Variants in PXDNL observed in about 807,000 individuals in gnomAD.
PXDNL encodes the protein probable oxidoreductase PXDNL.
In PXDNL, 145 loss-of-function variants were observed where a neutral mutation model predicts 150.8. The ratio of observed to expected loss-of-function variants is 0.96; its 90% CI spans 0.84 to 1.10. The LOEUF (loss-of-function observed/expected upper bound fraction) is 1.10. Among genes scored for constraint, PXDNL ranks in the 50% least tolerant of loss-of-function variants. PXDNL has a pLI of 0.00. For synonymous variants in PXDNL, 757 were observed against 725.7 expected (o/e 1.04, Z -0.69); for missense variants, 2,087 against 1,873.9 (o/e 1.11, Z -2.10).
intron 1 of PXDNL, among the ~76,000 whole-genome samples, chr8:51,756,787 T>G (rs1465095167): frequency 6.6e-6 from 1 of 152,054 alleles, no homozygotes; most frequent in African/African-American, 2.4e-5. Context: ...CTAGATAGTT[T>G]TAATTTGTTT....
chr8:51,730,549 T>C (rs1026623558), intron 1 of PXDNL, among the ~76,000 whole-genome samples: 18 of 152,204 alleles, frequency 1.2e-4, no homozygotes, highest in African/African-American at 4.3e-4. Context: ...ATGATTAAGA[T>C]GAAATCTCTG....
Position 51,480,999 on chromosome 8 carries a change from A to G in PXDNL, c.524+2644T>C, listed in dbSNP as rs193211973. Among the ~76,000 whole-genome samples the G allele has an allele frequency of 9.9e-4, 151 of 152,296 alleles. 1 individual carries two copies. Among genetic ancestry groups the G allele is most frequent in the African/African-American group, 3.3e-3 (138 of 41,552 alleles). ...GTGGGGCACTGCTGTAAAGATACCCAAAAATGTGGAAGGGACTTTGGAACT... is the reference window on the plus strand; with the variant it reads ...GTGGGGCACTGCTGTAAAGATACCCGAAAATGTGGAAGGGACTTTGGAACT... On this transcript the variant is annotated intron_variant, in intron 6 of 22. Coordinates refer to ENST00000356297, the MANE Select transcript of PXDNL (RefSeq NM_144651.5).
chr8:51,608,054 A>AAAGAAAGAAAGAAAGAAAGAAAGCAAGC (rs1554557536), intron 2 of PXDNL, among the ~76,000 whole-genome samples: 4 of 111,704 alleles, frequency 3.6e-5, no homozygotes, highest in Admixed American at 8.6e-5. Flanking sequence ...AGAAAGAAAG[A>AAAGAAAGAAAGAAAGAAAGAAAGCAAGC]AAGCAAGCAA....
intron 17 of PXDNL, among the ~76,000 whole-genome samples, chr8:51,403,642 C>T (rs1808337470): frequency 6.6e-6 from 1 of 152,174 alleles, no homozygotes; most frequent in African/African-American, 2.4e-5. Flanking sequence ...CTCAAATGTC[C>T]TTCTTGGCAC....
At chr8:51,803,112 T>C (rs141906312) in intron 1 of PXDNL, among the ~76,000 whole-genome samples, 2 of 152,274 alleles carry the variant, frequency 1.3e-5, no homozygotes, top group African/African-American at 4.8e-5. Context: ...GGTTAGAACA[T>C]GTGCTGCAGC....
At position 51,780,907 on chromosome 8, in the gene PXDNL, G is replaced by T. The variant is rs184493176; in HGVS notation, c.164+28274C>A. ...ACTCCTGACCTCAGGTGATCCACCT[G>T]CCTCGGCCTCCCAGGGTGCTGGGAT... On this transcript the variant is annotated intron_variant, in intron 1 of 22. Coordinates refer to ENST00000356297, the MANE Select transcript of PXDNL (RefSeq NM_144651.5). Among the ~76,000 whole-genome samples, 485 of 151,916 alleles carry T rather than the reference G, an allele frequency of 3.2e-3. 3 individuals carry two copies. Among genetic ancestry groups the T allele is most frequent in the Middle Eastern group, 0.01 (3 of 292 alleles).
intron 1 of PXDNL, among the ~76,000 whole-genome samples, chr8:51,740,136 A>T (rs1190871358): frequency 6.9e-6 from 1 of 144,974 alleles, no homozygotes; most frequent in East Asian, 1.9e-4. Flanking sequence ...ATCGATCCTG[A>T]TGTGTAATGC....
intron 3 of PXDNL, among the ~76,000 whole-genome samples, chr8:51,567,284 T>C (rs750438502): frequency 2.0e-5 from 3 of 151,782 alleles, no homozygotes; most frequent in Admixed American, 6.6e-5. Context: ...CAAATTTCAA[T>C]TAGACCCAGT....
intron 3 of PXDNL, among the ~76,000 whole-genome samples, chr8:51,591,697 C>A (rs970383342): frequency 3.3e-5 from 5 of 151,966 alleles, no homozygotes; most frequent in African/African-American, 1.2e-4. Context: ...CGGCTCACTG[C>A]AAGCTCCGCC....
chr8:51,619,602 T>A (rs566709501), intron 2 of PXDNL, among the ~76,000 whole-genome samples: 1 of 152,126 alleles, frequency 6.6e-6, no homozygotes, highest in South Asian at 2.1e-4. Flanking sequence ...TGTTTAAAAG[T>A]CTGTGGCACC....
rs755082507 is a variant in PXDNL at position 51,408,368 on chromosome 8, A to G, written c.3256T>C (p.Phe1086Leu). Residue 1086 changes from phenylalanine (F) to leucine (L), a missense_variant, in exon 17 of 23, where the codon TTT becomes CTT. By Grantham distance (22) the Phe-to-Leu change is conservative. Transcript: ENST00000356297. ...EGHLPFHKALFSPSRIIKEGG... is the reference protein window; with the variant it reads ...EGHLPFHKALLSPSRIIKEGG... ...TCCTTGATTATTCTGGACGGTGAAA[A>G]GAGCGCTTTATGGAACGGAAGGTGG... The G allele has an allele frequency of 1.9e-6, 3 of 1,613,924 alleles. No homozygotes were observed. The African/African-American group carries it at 4.0e-5, about 22-fold the overall frequency.
chr8:51,677,855 C>G (rs143619365), intron 1 of PXDNL, among the ~76,000 whole-genome samples: 1 of 152,164 alleles, frequency 6.6e-6, no homozygotes, highest in Non-Finnish European at 1.5e-5. Context: ...TTTAACTCCT[C>G]AAGTATTTGG....
At chr8:51,600,260 A>G (rs954553277) in intron 2 of PXDNL, among the ~76,000 whole-genome samples, 1 of 131,674 alleles carries the variant, frequency 7.6e-6, no homozygotes, top group Non-Finnish European at 1.6e-5. Flanking sequence ...TATCTCATAT[A>G]AATTATATCG....
chr8:51,619,372 C>T (rs35039242), intron 2 of PXDNL, among the ~76,000 whole-genome samples: 82,831 of 152,016 alleles, frequency 0.54, 24,195 homozygotes, highest in Non-Finnish European at 0.66. Context: ...GCCTCACACC[C>T]TGGAGAAAGG....
intron 10 of PXDNL, among the ~76,000 whole-genome samples, chr8:51,449,835 G>A (rs1380408329): frequency 6.6e-6 from 1 of 152,154 alleles, no homozygotes; most frequent in Admixed American, 6.5e-5. Context: ...CTGGAAAGGT[G>A]TCCCAATCCA....
chr8:51,639,204 G>A (rs1814682059), intron 2 of PXDNL, among the ~76,000 whole-genome samples: 2 of 152,180 alleles, frequency 1.3e-5, no homozygotes, highest in Admixed American at 6.5e-5. Context: ...TTAAAGCAGT[G>A]TGTAGAGGGA....
At chr8:51,331,733 C>A (rs548924104) in intron 21 of PXDNL, among the ~76,000 whole-genome samples, 4 of 152,154 alleles carry the variant, frequency 2.6e-5, no homozygotes, top group Admixed American at 2.6e-4. Context: ...CCTCGACAAC[C>A]TGCATGACTC....
intron 4 of PXDNL, among the ~76,000 whole-genome samples, chr8:51,523,783 G>A (rs1811709273): frequency 6.6e-6 from 1 of 152,178 alleles, no homozygotes; most frequent in Non-Finnish European, 1.5e-5. Flanking sequence ...AGGCCCAGGG[G>A]TGAGCCTGAG....
At chr8:51,563,288 A>C (rs6473623) in intron 3 of PXDNL, among the ~76,000 whole-genome samples, 48,979 of 151,864 alleles carry the variant, frequency 0.32, 11,088 homozygotes, top group African/African-American at 0.64. Context: ...TGGTTTCTGA[A>C]GTCTCTCTTC....
Sources: gnomAD v4.1 joint callset for allele counts (sites outside exome capture counted in the v4.1 genomes callset) on GRCh38, gnomAD v4.1.1 for gene constraint, MANE v1.5 for transcripts, NCBI Gene and HGNC (gene_info 2026-07-23, HGNC 2026-07-21) for gene names.